Variants in DCDC1 observed in about 807,000 individuals in gnomAD.
DCDC1 encodes the protein doublecortin domain-containing protein 1.
A neutral mutation model predicts 178.3 loss-of-function variants in DCDC1; 200 were observed. The observed-to-expected ratio is 1.12, with a 90% CI of 1.00 to 1.26. DCDC1 has a LOEUF of 1.26. DCDC1 is among the 50% of genes most tolerant of loss of function. The pLI is 0.00. For synonymous variants in DCDC1, 690 were observed against 604.8 expected (o/e 1.14, Z -2.07); for missense variants, 1,983 against 1,749.2 (o/e 1.13, Z -2.38).
intron 8 of DCDC1, among the ~76,000 whole-genome samples, chr11:31,250,572 G>A (rs1943953795): frequency 1.3e-5 from 2 of 150,892 alleles, no homozygotes; most frequent in Admixed American, 6.6e-5. Context: ...TAGCAATGCT[G>A]TTCCTGGAGC....
chr11:31,085,260 A>G (rs1268723155), intron 17 of DCDC1, among the ~76,000 whole-genome samples: 1 of 151,900 alleles, frequency 6.6e-6, no homozygotes, highest in Non-Finnish European at 1.5e-5. Context: ...AAAATTTGGT[A>G]AGTTTTGAAA....
intron 9 of DCDC1, among the ~76,000 whole-genome samples, chr11:31,171,056 G>C (rs1317722509): frequency 6.6e-6 from 1 of 152,058 alleles, no homozygotes; most frequent in Non-Finnish European, 1.5e-5. Context: ...TCGAACTCCC[G>C]ATCTCAGGTG....
chr11:30,878,862 A>G (rs1391634764), intron 37 of DCDC1, among the ~76,000 whole-genome samples, 151 bp from the exon 38 acceptor site: 1 of 152,134 alleles, frequency 6.6e-6, no homozygotes, highest in Non-Finnish European at 1.5e-5. Context: ...TTCTTATCAC[A>G]TGAGATATAT....
intron 10 of DCDC1, among the ~76,000 whole-genome samples, chr11:31,134,886 C>T (rs1026896539): frequency 1.3e-5 from 2 of 152,128 alleles, no homozygotes; most frequent in African/African-American, 4.8e-5. Context: ...GTCCCAGCTA[C>T]TCAGGAGGCT....
At chr11:31,226,226 G>A (rs1292488019) in intron 9 of DCDC1, among the ~76,000 whole-genome samples, 2 of 151,874 alleles carry the variant, frequency 1.3e-5, no homozygotes, top group African/African-American at 4.8e-5. Context: ...TCCTAGTTCA[G>A]CCTGGTGGCT....
At chr11:30,893,082 C>G (rs1943920700) in intron 35 of DCDC1, 85 bp from the exon 36 acceptor site, 2 of 1,457,436 alleles carry the variant, frequency 1.4e-6, no homozygotes, top group Non-Finnish European at 1.8e-6. Flanking sequence ...CCAGATATAT[C>G]TTGTAATTAA....
At chr11:31,274,456 G>A (rs182706122) in intron 7 of DCDC1, among the ~76,000 whole-genome samples, 10 of 152,070 alleles carry the variant, frequency 6.6e-5, no homozygotes, top group East Asian at 3.9e-4. Flanking sequence ...GGTGGCATAA[G>A]GAAGGCTTCT....
chr11:31,161,622 C>T (rs901687567), intron 9 of DCDC1, among the ~76,000 whole-genome samples: 4 of 152,112 alleles, frequency 2.6e-5, no homozygotes, highest in African/African-American at 7.2e-5. Flanking sequence ...CCCATAGAAA[C>T]GGCTCTTCCA....
chr11:30,915,814 C>A, intron 26 of DCDC1, 103 bp from the exon 27 acceptor site: 2 of 1,120,676 alleles, frequency 1.8e-6, no homozygotes, highest in Non-Finnish European at 2.6e-6. Context: ...AGAGCTCCAA[C>A]GTGAAACACG....
intron 9 of DCDC1, among the ~76,000 whole-genome samples, chr11:31,143,592 A>G (rs1344401287): frequency 6.6e-6 from 1 of 152,184 alleles, no homozygotes; most frequent in Non-Finnish European, 1.5e-5. Context: ...GGCAGAACTG[A>G]AGACTCAGTT....
intron 13 of DCDC1, among the ~76,000 whole-genome samples, chr11:31,105,088 A>C (rs1325662034): frequency 1.3e-5 from 2 of 152,080 alleles, no homozygotes; most frequent in African/African-American, 4.8e-5. Flanking sequence ...TTCTCAACAT[A>C]TTTCAAACTA....
At chr11:30,905,969 A>G (rs1945032240) in intron 30 of DCDC1, among the ~76,000 whole-genome samples, 1 of 152,160 alleles carries the variant, frequency 6.6e-6, no homozygotes, top group Non-Finnish European at 1.5e-5. Context: ...TCAGGTGTGT[A>G]AGTTCCCATA....
chr11:31,164,231 C>T (rs887303841), intron 9 of DCDC1, among the ~76,000 whole-genome samples: 19 of 152,054 alleles, frequency 1.2e-4, no homozygotes, highest in Non-Finnish European at 2.4e-4. Context: ...GGTGGTCCCA[C>T]GAGATTATGA....
chr11:31,237,696 A>G (rs961327166), intron 9 of DCDC1, among the ~76,000 whole-genome samples: 1 of 152,074 alleles, frequency 6.6e-6, no homozygotes, highest in Non-Finnish European at 1.5e-5. Context: ...AGTGTTTTTC[A>G]ATACACTACC....
At chr11:30,980,898 C>A (rs1472387022) in intron 20 of DCDC1, among the ~76,000 whole-genome samples, 1 of 152,142 alleles carries the variant, frequency 6.6e-6, no homozygotes, top group East Asian at 1.9e-4. Context: ...CAAAAAGACA[C>A]CTGCACTCAT....
At chr11:31,070,488 C>T (rs748425790) in intron 18 of DCDC1, among the ~76,000 whole-genome samples, 16 of 152,164 alleles carry the variant, frequency 1.1e-4, no homozygotes, top group Non-Finnish European at 1.5e-5. Context: ...CAAAGCCCAT[C>T]TCTAATCACA....
Position 31,144,759 on chromosome 11 carries a change from T to C in DCDC1, c.1222-6975A>G, listed in dbSNP as rs76497372. On this transcript the variant is annotated intron_variant, in intron 9 of 38. Coordinates refer to ENST00000684477, the MANE Select transcript of DCDC1 (RefSeq NM_001387274.1). Reference sequence around the variant, plus strand: ...GCTCTTACTTTCCTTGGTTTTTATCTTTTTATGAATGATTTTGAAAATCTG... The same window carrying C: ...GCTCTTACTTTCCTTGGTTTTTATCCTTTTATGAATGATTTTGAAAATCTG... Among the ~76,000 whole-genome samples, 1,520 of 152,282 alleles carry C rather than the reference T, an allele frequency of 1.0e-2. 29 individuals are homozygous for C. The highest frequency in any genetic ancestry group is 0.034 in the African/African-American group (1,423 of 41,580).
chr11:30,900,551 T>G lies in DCDC1; in HGVS notation c.4511-53A>C. The G allele has an allele frequency of 2.2e-6, 3 of 1,357,130 alleles. No homozygotes were observed. In the South Asian group the frequency reaches 5.9e-5, roughly 27 times the overall value. 84.1% of individuals were successfully genotyped at this position (1,357,130 alleles called of 1,614,324 possible). A position where few individuals can be genotyped will look rare whatever the true frequency, so the allele number is the denominator to read the frequency against. On this transcript the variant is annotated intron_variant, in intron 32 of 38. Transcript: ENST00000684477. ...TTGTTCAACGAATAATGAATAAATT[T>G]GTTTTCTGAATTTGTTTATTCAAAA... is the stretch of plus-strand genomic sequence containing the variant.
rs116486140 is a variant in DCDC1, at chr11:31,066,099, G to A, written c.2299-946C>T. ...TGTAATATTTCAGTTATGTTAATCCGGCCCATCTCTCTTTCCTTACATTTT... is the reference window on the plus strand; with the variant it reads ...TGTAATATTTCAGTTATGTTAATCCAGCCCATCTCTCTTTCCTTACATTTT... On this transcript the variant is annotated intron_variant, in intron 18 of 38. Coordinates refer to ENST00000684477, the MANE Select transcript of DCDC1 (RefSeq NM_001387274.1). Among the ~76,000 whole-genome samples the A allele has an allele frequency of 5.2e-3, 786 of 152,168 alleles. 6 individuals carry two copies. Among genetic ancestry groups the A allele is most frequent in the African/African-American group, 0.018 (742 of 41,534 alleles).
Sources: gnomAD v4.1 joint callset for allele counts (sites outside exome capture counted in the v4.1 genomes callset) on GRCh38, gnomAD v4.1.1 for gene constraint, MANE v1.5 for transcripts, NCBI Gene and HGNC (gene_info 2026-07-23, HGNC 2026-07-21) for gene names.